CD96: variants seen among roughly 807,000 people sequenced by gnomAD.
The protein encoded by CD96 is CD96 molecule, also known as T-cell surface protein tactile.
A neutral mutation model predicts 71.3 loss-of-function variants in CD96; 70 were observed. That is an observed-to-expected ratio of 0.98 (90% CI 0.81 to 1.20). The LOEUF (loss-of-function observed/expected upper bound fraction) is 1.20, where lower values mean the gene tolerates loss of function less well. CD96 is among the 50% of genes most tolerant of loss of function. CD96 has a pLI of 0.00. For missense variants in CD96, 742 were observed against 677.5 expected, an observed-to-expected ratio of 1.10 and a Z score of -1.06; for synonymous variants, 248 against 233.0, an observed-to-expected ratio of 1.06 and a Z score of -0.59.
At chr3:111,664,095 C>A (rs760692309) in intron 14 of CD96, among the ~76,000 whole-genome samples, 5 of 152,186 alleles carry the variant, frequency 3.3e-5, no homozygotes, top group Non-Finnish European at 7.3e-5. Context: ...CCGTGGAAAG[C>A]AGTCTGCATA....
In CD96 at chr3:111,638,104, A is replaced by G; in HGVS notation, c.1413A>G (p.Arg471=). 1.2e-6 allele frequency: 2 copies of G among 1,609,716 alleles called. No homozygotes were observed. The highest frequency in any genetic ancestry group is 1.7e-6 in the Non-Finnish European group (2 of 1,176,022). Residue 471 remains arginine (R), a synonymous_variant, in exon 12 of 14, where the codon AGA becomes AGG. Transcript: ENST00000352690. ...ACAATGTCTTTACCAGCACAGCCAG[A>G]GCATTTTCAGAAGTCCCCACAACTG... is the stretch of plus-strand genomic sequence containing the variant. ...LHDNVFTSTA[R]AFSEVPTTAN...
intron 2 of CD96, among the ~76,000 whole-genome samples, chr3:111,556,270 T>C (rs982475732): frequency 1.3e-5 from 2 of 150,058 alleles, no homozygotes; most frequent in Non-Finnish European, 3.0e-5. Flanking sequence ...TAGTTACATA[T>C]GTATACATGT....
chr3:111,633,257 A>G (rs1456612305), intron 10 of CD96, among the ~76,000 whole-genome samples: 2 of 152,170 alleles, frequency 1.3e-5, no homozygotes, highest in East Asian at 1.9e-4. Context: ...AACACACACA[A>G]CATTTATCAA....
intron 3 of CD96, among the ~76,000 whole-genome samples, chr3:111,574,545 G>A (rs1187131031): frequency 1.3e-5 from 2 of 152,050 alleles, no homozygotes; most frequent in East Asian, 1.9e-4. Flanking sequence ...CTTATTTTAG[G>A]ATTTGTCAAG....
intron 10 of CD96, among the ~76,000 whole-genome samples, chr3:111,636,202 C>G (rs1192107015): frequency 6.6e-6 from 1 of 152,170 alleles, no homozygotes; most frequent in Non-Finnish European, 1.5e-5. Context: ...GTCCTGTAAT[C>G]AAGCCCTAAA....
At chr3:111,578,270 G>A (rs778707940) in intron 3 of CD96, among the ~76,000 whole-genome samples, 119 of 152,032 alleles carry the variant, frequency 7.8e-4, no homozygotes, top group Non-Finnish European at 1.4e-3. Flanking sequence ...GAGAATAATA[G>A]GGCTTTTCAT....
chr3:111,633,499 A>G (rs935514145), intron 10 of CD96, among the ~76,000 whole-genome samples: 1 of 152,196 alleles, frequency 6.6e-6, no homozygotes. Context: ...ACAAAGCTAC[A>G]ATTTGTAAAA....
Position 111,579,457 on chromosome 3 carries a change from T to C in CD96, c.751+223T>C, listed in dbSNP as rs1392354787. The C allele has an allele frequency of 9.8e-6, 6 of 613,554 alleles. No homozygotes were observed. The East Asian group carries it at 1.5e-4, about 15-fold the overall frequency. 38.0% of individuals were successfully genotyped at this position (613,554 alleles called of 1,614,324 possible). On this transcript the variant is annotated intron_variant, in intron 4 of 13. Coordinates refer to ENST00000352690, the MANE Select transcript of CD96 (RefSeq NM_005816.5). ...CAGAATAAAATCATACAGAAGCCAA[T>C]AATTTTCTGTATTGGTCAGTTTTCT...
chr3:111,584,341 TACA>T (rs1576349141), intron 4 of CD96, among the ~76,000 whole-genome samples: 1 of 152,196 alleles, frequency 6.6e-6, no homozygotes, highest in East Asian at 1.9e-4. Context: ...TTCCAAACTT[TACA>T]ACATTTTCTC....
chr3:111,553,087 A>G (rs1349640805), intron 2 of CD96, among the ~76,000 whole-genome samples: 2 of 151,922 alleles, frequency 1.3e-5, no homozygotes, highest in South Asian at 2.1e-4. Flanking sequence ...TGTCATTAAA[A>G]AAAAGCCATA....
chr3:111,620,405 A>G (rs1395080521), intron 8 of CD96, among the ~76,000 whole-genome samples: 1 of 152,380 alleles, frequency 6.6e-6, no homozygotes, highest in East Asian at 1.9e-4. Flanking sequence ...AGATCAGGTC[A>G]TGGAATGTGA....
chr3:111,664,740 C>T (rs1940441258), intron 14 of CD96, among the ~76,000 whole-genome samples: 1 of 152,040 alleles, frequency 6.6e-6, no homozygotes, highest in East Asian at 1.9e-4. Flanking sequence ...TAAAGAAAGG[C>T]TCTGAAAATA....
At chr3:111,596,204 G>T (rs1395969599) in intron 5 of CD96, among the ~76,000 whole-genome samples, 1 of 151,230 alleles carries the variant, frequency 6.6e-6, no homozygotes, top group African/African-American at 2.4e-5. Flanking sequence ...AATAAAAAAA[G>T]AAAGAAAAGA....
intron 5 of CD96, chr3:111,593,409 A>G: frequency 1.8e-6 from 2 of 1,105,178 alleles, no homozygotes; most frequent in Admixed American, 3.0e-5. Flanking sequence ...GCTCAGATTA[A>G]CTCATACTGT....
chr3:111,588,156 T>G (rs1936801358), intron 5 of CD96, among the ~76,000 whole-genome samples: 1 of 152,226 alleles, frequency 6.6e-6, no homozygotes, highest in East Asian at 1.9e-4. Context: ...CTGTTTATCT[T>G]TTGAAACTGA....
chr3:111,572,131 G>A (rs1576334060), intron 3 of CD96, among the ~76,000 whole-genome samples: 2 of 152,058 alleles, frequency 1.3e-5, no homozygotes, highest in South Asian at 2.1e-4. Context: ...GTATCTACCC[G>A]CACGTACAAC....
chr3:111,606,726 C>A lies in CD96; in HGVS notation c.1114C>A (p.Pro372Thr). Residue 372 changes from proline (P) to threonine (T), a missense_variant, in exon 8 of 14, where the codon CCA becomes ACA. Physicochemically the swap from Pro to Thr is conservative, Grantham distance 38 (BLOSUM62 -1). Coordinates refer to ENST00000352690, the MANE Select transcript of CD96 (RefSeq NM_005816.5). ...LGSEISSTDP[P>T]LSVTESTLDT... is the part of the protein sequence containing the mutation. ...TTCTGAAATTTCCTCAACAGACCCT[C>A]CACTGAGTGTTACAGAATCTACCCT... is the stretch of plus-strand genomic sequence containing the variant. 1 of 1,598,202 alleles carries A rather than the reference C, an allele frequency of 6.3e-7. No individual in the cohort carries two copies.
intron 13 of CD96, among the ~76,000 whole-genome samples, chr3:111,648,044 C>G (rs1476404463): frequency 1.3e-5 from 2 of 152,106 alleles, no homozygotes; most frequent in Non-Finnish European, 2.9e-5. Flanking sequence ...CATAGATGCT[C>G]AAGTGTGAAA....
intron 8 of CD96, among the ~76,000 whole-genome samples, chr3:111,621,863 T>TAGG (rs552022349): frequency 3.3e-4 from 50 of 152,298 alleles, no homozygotes; most frequent in South Asian, 1.0e-3. Context: ...CCACAGTGAC[T>TAGG]AGGAATGTAG....
Sources: allele counts gnomAD v4.1 joint callset (sites outside exome capture counted in the v4.1 genomes callset), GRCh38; gene constraint gnomAD v4.1.1; transcripts MANE v1.5; gene names NCBI Gene and HGNC (gene_info 2026-07-23, HGNC 2026-07-21).